The following ROBO2 variants were observed in gnomAD, a reference collection of about 807,000 sequenced individuals.
The protein encoded by ROBO2 is roundabout homolog 2.
ROBO2 carries 53 observed loss-of-function variants against 160.8 expected under a neutral mutation model. The observed-to-expected ratio is 0.33, with a 90% CI of 0.26 to 0.41. The LOEUF is 0.41. Ranked by LOEUF, ROBO2 falls within the 10% of genes least tolerant of loss-of-function variation. The pLI, the probability that ROBO2 is intolerant of heterozygous loss-of-function variation, is 1.00. For synonymous variants in ROBO2, 664 were observed against 611.7 expected (o/e 1.09, Z -1.26); for missense variants, 1,577 against 1,722.4 (o/e 0.92, Z 1.49).
intron 2 of ROBO2, among the ~76,000 whole-genome samples, chr3:77,133,713 A>G (rs1479751531): frequency 3.3e-5 from 5 of 152,030 alleles, no homozygotes; most frequent in African/African-American, 4.8e-5. Context: ...AGAAAATTGG[A>G]CATATTTAGT....
At chr3:76,173,276 ATACT>A (rs202195717) in intron 2 of ROBO2, among the ~76,000 whole-genome samples, 4,822 of 152,068 alleles carry the variant, frequency 0.032, 109 homozygotes, top group Non-Finnish European at 0.045. Flanking sequence ...ACATACATAC[ATACT>A]TATGTATCAA....
intron 2 of ROBO2, among the ~76,000 whole-genome samples, chr3:77,368,828 C>T (rs1417203849): frequency 2.0e-5 from 3 of 152,094 alleles, no homozygotes; most frequent in East Asian, 1.9e-4. Context: ...TTACTATAAA[C>T]GTCAAAGTTG....
chr3:77,580,659 A>G (rs1361318711), intron 16 of ROBO2, among the ~76,000 whole-genome samples: 1 of 152,170 alleles, frequency 6.6e-6, no homozygotes, highest in Non-Finnish European at 1.5e-5. Context: ...GGAATCATAC[A>G]GAATGTGATT....
In ROBO2 at chr3:76,956,450, G is replaced by A. The variant is rs566562104; in HGVS notation, c.110-141564G>A. Among the ~76,000 whole-genome samples, 58 of 151,944 alleles carry A rather than the reference G, an allele frequency of 3.8e-4. 1 individual carries two copies. In the South Asian group the frequency reaches 0.011, roughly 30 times the overall value. On this transcript the variant is annotated intron_variant, in intron 2 of 26. Transcript: ENST00000487694. ...CGGACACCTGTAGTCCCAGCTACTC[G>A]GGAGGCTGAGGCAGGAGAATGGCGT...
intron 2 of ROBO2, among the ~76,000 whole-genome samples, chr3:76,001,786 CTG>C (rs2107566779): frequency 6.6e-6 from 1 of 152,274 alleles, no homozygotes; most frequent in African/African-American, 2.4e-5. Context: ...CTCAAGCAAT[CTG>C]GTCTCCCTAG....
intron 2 of ROBO2, among the ~76,000 whole-genome samples, chr3:76,851,711 C>T (rs1401181698): frequency 8.1e-6 from 1 of 124,038 alleles, no homozygotes; most frequent in Non-Finnish European, 1.6e-5. Flanking sequence ...GTCCGCAGTC[C>T]GAGGTGGGCG....
At chr3:77,059,960 A>C (rs953760530) in intron 1 of ROBO2, among the ~76,000 whole-genome samples, 3 of 152,158 alleles carry the variant, frequency 2.0e-5, no homozygotes, top group African/African-American at 7.2e-5. Flanking sequence ...AGTGGTGACT[A>C]TCAGGAGAAT....
intron 2 of ROBO2, among the ~76,000 whole-genome samples, chr3:76,793,048 C>T (rs979578130): frequency 4.0e-5 from 6 of 151,446 alleles, no homozygotes; most frequent in African/African-American, 1.5e-4. Context: ...AAAATAGAAA[C>T]AAAAATGCGA....
chr3:76,301,671 C>A (rs146274665), intron 2 of ROBO2, among the ~76,000 whole-genome samples: 1 of 152,032 alleles, frequency 6.6e-6, no homozygotes, highest in Non-Finnish European at 1.5e-5. Flanking sequence ...CTATCTGTCA[C>A]GATATTCTAT....
intron 1 of ROBO2, among the ~76,000 whole-genome samples, chr3:77,063,762 C>T (rs375431145): frequency 6.6e-6 from 1 of 152,278 alleles, no homozygotes; most frequent in African/African-American, 2.4e-5. Flanking sequence ...TTCAGCTCTT[C>T]TTTCTCTCTG....
chr3:76,603,340 AAAAAAAAAAAAATATATATATATATATAT>A (rs1460712480), intron 2 of ROBO2, among the ~76,000 whole-genome samples: 4 of 52,036 alleles, frequency 7.7e-5, no homozygotes, highest in South Asian at 1.5e-3. Flanking sequence ...TCCAAAAAAA[AAAAAAAAAAAAATATATATATATATATAT>A]ATATATATAT....
chr3:76,701,128 T>G (rs2107454387), intron 2 of ROBO2, among the ~76,000 whole-genome samples: 1 of 152,156 alleles, frequency 6.6e-6, no homozygotes, highest in African/African-American at 2.4e-5. Context: ...ATGCCCGCTT[T>G]TTGCAAAAGG....
rs151291470 is a variant in ROBO2, at chr3:76,855,415, G to A, written c.110-242599G>A. On this transcript the variant is annotated intron_variant, in intron 2 of 26. Transcript: ENST00000487694. ...TGATGTCTGTCCTCCATAAGCTATC[G>A]GAGAGGGTGCCGCTAATGGATACTG... 7.9e-5 allele frequency among the ~76,000 whole-genome samples: 12 copies of A among 152,242 alleles called. No homozygotes were observed. The East Asian group carries it at 1.2e-3, about 15-fold the overall frequency.
intron 2 of ROBO2, among the ~76,000 whole-genome samples, chr3:76,381,128 T>A (rs1457437593): frequency 6.6e-6 from 1 of 151,706 alleles, no homozygotes; most frequent in East Asian, 1.9e-4. Context: ...ACTGGGTGAT[T>A]GTTGGAAGGG....
chr3:77,648,767 C>A (rs147884634), exon 26 of ROBO2: 2 of 152,122 alleles, frequency 1.3e-5, no homozygotes, highest in African/African-American at 4.8e-5. Flanking sequence ...AATACAAATA[C>A]CTATGAGAGC....
At chr3:77,504,411 C>T (rs927789342) in intron 5 of ROBO2, among the ~76,000 whole-genome samples, 22 of 131,638 alleles carry the variant, frequency 1.7e-4, no homozygotes, top group African/African-American at 7.2e-4. Context: ...CAGTGCAGTG[C>T]TTCTCAAAAA....
chr3:76,750,256 C>G (rs559471069), intron 2 of ROBO2, among the ~76,000 whole-genome samples: 71 of 152,046 alleles, frequency 4.7e-4, no homozygotes, highest in Non-Finnish European at 8.7e-4. Context: ...GTCCTTCATG[C>G]TAAAAACTCT....
intron 2 of ROBO2, among the ~76,000 whole-genome samples, chr3:77,187,753 G>A (rs1338650996): frequency 6.6e-6 from 1 of 151,890 alleles, no homozygotes; most frequent in Non-Finnish European, 1.5e-5. Context: ...CAAAAGTTCA[G>A]TCTTTTCAAG....
intron 2 of ROBO2, among the ~76,000 whole-genome samples, chr3:76,703,461 A>C (rs1421280609): frequency 6.6e-6 from 1 of 152,024 alleles, no homozygotes; most frequent in African/African-American, 2.4e-5. Context: ...GGTTTGCTGC[A>C]CCCATCAACC....
Sources: allele counts gnomAD v4.1 joint callset (sites outside exome capture counted in the v4.1 genomes callset), GRCh38; gene constraint gnomAD v4.1.1; transcripts MANE v1.5; gene names NCBI Gene and HGNC (gene_info 2026-07-23, HGNC 2026-07-21).